NBPF14: variants seen among roughly 807,000 people sequenced by gnomAD.
NBPF14 encodes the protein NBPF member 14.
NBPF14 carries 104 observed loss-of-function variants against 91.2 expected under a neutral mutation model. The observed-to-expected ratio is 1.14, with a 90% CI of 0.97 to 1.34. The LOEUF (loss-of-function observed/expected upper bound fraction) is 1.34, where lower values mean the gene tolerates loss of function less well. NBPF14 is among the 40% of genes most tolerant of loss of function. The pLI, the probability that NBPF14 is intolerant of heterozygous loss-of-function variation, is 0.00. For missense variants in NBPF14, 908 were observed against 783.0 expected, an observed-to-expected ratio of 1.16 and a Z score of -1.91; for synonymous variants, 294 against 303.8, an observed-to-expected ratio of 0.97 and a Z score of 0.34.
At chr1:148,542,090 C>T (rs1655622526) in intron 59 of NBPF14, among the ~76,000 whole-genome samples, 1 of 98,980 alleles carries the variant, frequency 1.0e-5, no homozygotes, top group Non-Finnish European at 1.7e-5. Flanking sequence ...CAAGTTTGTG[C>T]AAACAGTTAC....
At chr1:148,533,741 G>C in intron 70 of NBPF14, 120 bp downstream of exon 70, 1 of 752,668 alleles carries the variant, frequency 1.3e-6, no homozygotes, top group East Asian at 2.4e-5. Context: ...CAACAGCAAT[G>C]ACAGTAGGAG....
At chr1:148,533,154 G>A (rs138791836) in exon 71 of NBPF14, 5 of 724,206 alleles carry the variant, frequency 6.9e-6, no homozygotes, top group Admixed American at 3.7e-5. Flanking sequence ...AATGAGTCAG[G>A]TAGTTCAAAG....
intron 8 of NBPF14, 23 bp downstream of exon 8, chr1:148,587,278 C>T: frequency 6.4e-7 from 1 of 1,556,480 alleles, no homozygotes; most frequent in Non-Finnish European, 8.8e-7. Context: ...GCCCCCCTGC[C>T]TGCCCCCATG....
intron 28 of NBPF14, among the ~76,000 whole-genome samples, chr1:148,566,661 A>G (rs1301006060): frequency 2.2e-5 from 3 of 135,720 alleles, no homozygotes; most frequent in Non-Finnish European, 4.9e-5. Flanking sequence ...GGGATCATGA[A>G]AAGACTGTGC....
intron 70 of NBPF14, 49 bp downstream of exon 70, chr1:148,533,812 C>G (rs1386637389): frequency 3.9e-6 from 3 of 767,594 alleles, no homozygotes; most frequent in South Asian, 1.3e-5. Context: ...GAATCTGTTG[C>G]CTCCAGGAGT....
rs1223394545 is a variant in NBPF14 at position 148,593,948 on chromosome 1, A to C, written c.176-248T>G. ...GAAGTTGACAAGATGATTCAACCACAACGAAGTGGAGTCAGAACTCACAGC... is the reference window on the plus strand; with the variant it reads ...GAAGTTGACAAGATGATTCAACCACCACGAAGTGGAGTCAGAACTCACAGC... On this transcript the variant is annotated intron_variant, in intron 2 of 70. Transcript: ENST00000619423. 4.0e-3 allele frequency among the ~76,000 whole-genome samples: 602 copies of C among 149,946 alleles called. 18 individuals are homozygous for C. The highest frequency in any genetic ancestry group is 0.011 in the Admixed American group (160 of 15,082).
Position 148,534,743 on chromosome 1 carries a change from T to C in NBPF14, c.8555A>G (p.Tyr2852Cys), listed in dbSNP as rs1654720225. 247 of 828,166 alleles carry C rather than the reference T, an allele frequency of 3.0e-4. 1 individual carries two copies. Among genetic ancestry groups the C allele is most frequent in the South Asian group, 2.7e-3 (199 of 74,432 alleles). The allele number at this position is 828,166 out of a possible 1,614,324, so 51.3% of individuals were successfully genotyped here. A position where few individuals can be genotyped will look rare whatever the true frequency, so the allele number is the denominator to read the frequency against. Residue 2852 changes from tyrosine to cysteine, a missense_variant, in exon 69 of 71, where the codon TAC (tyrosine) becomes TGC (cysteine). Tyr to Cys is a radical substitution (Grantham distance 194). Transcript: ENST00000619423. ...CTCCAATGAGTAAACAGCACTGCTG[T>C]AGGGCTGGCCTAAGTCAGGCAGTTC... is the stretch of plus-strand genomic sequence containing the variant.
exon 37 of NBPF14, chr1:148,559,909 T>A (rs1308304194): frequency 1.5e-6 from 2 of 1,296,028 alleles, no homozygotes; most frequent in Non-Finnish European, 2.2e-6. Context: ...ATAACATCTA[T>A]CCAGTGAGTC....
chr1:148,559,441 C>T lies in NBPF14; in HGVS notation c.4729+352G>A, dbSNP rs1300509249. Among the ~76,000 whole-genome samples the T allele has an allele frequency of 1.7e-4, 23 of 133,146 alleles. 1 individual carries two copies. The highest frequency in any genetic ancestry group is 2.9e-4 in the Admixed American group (4 of 13,688). The allele number at this position is 133,146 out of a possible 152,430, so 87.3% of individuals were successfully genotyped here. A position where few individuals can be genotyped will look rare whatever the true frequency, so the allele number is the denominator to read the frequency against. On this transcript the variant is annotated intron_variant, in intron 37 of 70. Transcript: ENST00000619423. ...CAAATACTCAGATTGTTCATGGTAGCGAGGATTTCAGACGCTGAAATTAGA... is the reference window on the plus strand; with the variant it reads ...CAAATACTCAGATTGTTCATGGTAGTGAGGATTTCAGACGCTGAAATTAGA...
In NBPF14 at chr1:148,557,680, G is replaced by A. The variant is rs1325846701; in HGVS notation, c.4955-138C>T. 1.5e-5 allele frequency: 9 copies of A among 618,572 alleles called. 2 individuals carry two copies. Among genetic ancestry groups the A allele is most frequent in the Admixed American group, 9.2e-5 (4 of 43,286 alleles). The allele number at this position is 618,572 out of a possible 1,614,324, so 38.3% of individuals were successfully genotyped here. On this transcript the variant is annotated intron_variant, in intron 39 of 70. Coordinates refer to ENST00000619423, the Ensembl canonical transcript of NBPF14. ...ACCATGTGAGAGATATACTTCAGGAGGCCTGAAAGCTGGTCATGATATTCC... is the reference window on the plus strand; with the variant it reads ...ACCATGTGAGAGATATACTTCAGGAAGCCTGAAAGCTGGTCATGATATTCC...
intron 67 of NBPF14, among the ~76,000 whole-genome samples, chr1:148,535,995 T>A (rs1394436731): frequency 6.6e-6 from 1 of 150,610 alleles, no homozygotes; most frequent in Admixed American, 6.6e-5. Flanking sequence ...GAGAGTAGGA[T>A]TAGGGCGCCA....
Position 148,559,817 on chromosome 1 carries a change from C to G in NBPF14, c.4705G>C (p.Val1569Leu), listed in dbSNP as rs1404207004. 1.4e-5 allele frequency: 22 copies of G among 1,534,766 alleles called. 7 individuals are homozygous for G. The African/African-American group carries it at 3.5e-4, about 24-fold the overall frequency. Residue 1569 changes from valine to leucine, a missense_variant, in exon 37 of 71, where the codon GTT (valine) becomes CTT (leucine). Physicochemically the swap from Val to Leu is conservative, Grantham distance 32. This residue lies in a region of NBPF14 where 447 missense variants were observed against 189.1 expected (regional missense o/e 2.36). Transcript: ENST00000619423. Reference sequence around the variant, plus strand: ...CCATCCATGTCAACAGCCAAGCCAACACGCTGCTGCTCCAATATGTAAAAG... The same window carrying G: ...CCATCCATGTCAACAGCCAAGCCAAGACGCTGCTGCTCCAATATGTAAAAG...
At chr1:148,587,193 C>T (rs1388286708) in intron 8 of NBPF14, 108 bp downstream of exon 8, 12 of 938,976 alleles carry the variant, frequency 1.3e-5, no homozygotes, top group African/African-American at 6.4e-5. Flanking sequence ...CATGGCAATT[C>T]CTGCCCTTCC....
chr1:148,559,324 C>G lies in NBPF14; in HGVS notation c.4730-252G>C, dbSNP rs1359607775. Among the ~76,000 whole-genome samples the G allele has an allele frequency of 2.4e-4, 30 of 125,666 alleles. 2 individuals carry two copies. Among genetic ancestry groups the G allele is most frequent in the Admixed American group, 9.3e-4 (12 of 12,924 alleles). 82.4% of individuals were successfully genotyped at this position (125,666 alleles called of 152,430 possible). A position where few individuals can be genotyped will look rare whatever the true frequency, so the allele number is the denominator to read the frequency against. On this transcript the variant is annotated intron_variant, in intron 37 of 70. Coordinates refer to ENST00000619423, the Ensembl canonical transcript of NBPF14. ...CAATATCATTTGTCCCAAGTTTGTG[C>G]AAATGGTTATGCCATATTTTTCCAA... is the stretch of plus-strand genomic sequence containing the variant.
intron 16 of NBPF14, among the ~76,000 whole-genome samples, chr1:148,576,129 G>T (rs1416673176): frequency 8.6e-6 from 1 of 115,608 alleles, no homozygotes; most frequent in Non-Finnish European, 1.7e-5. Context: ...CAGTGATCAT[G>T]AAAAGAGTGG....
chr1:148,561,800 C>A (rs1232540993), intron 34 of NBPF14, among the ~76,000 whole-genome samples: 10 of 96,788 alleles, frequency 1.0e-4, no homozygotes, highest in South Asian at 5.6e-4. Flanking sequence ...CACACACACA[C>A]AAACACACAC....
rs1440064750 is a variant in NBPF14, at chr1:148,592,779, G to A, written c.279-13C>T. 5.7e-5 allele frequency: 88 copies of A among 1,554,448 alleles called. 4 individuals carry two copies. Among genetic ancestry groups the A allele is most frequent in the East Asian group, 4.0e-4 (18 of 44,672 alleles). ...GACTTTATATTGCCTAAGGTGAGAC[G>A]GTAGAGAAAATTTAAGAGTAGAAAG... On this transcript the variant is annotated splice_polypyrimidine_tract_variant and intron_variant, in intron 3 of 70. Coordinates refer to ENST00000619423, the Ensembl canonical transcript of NBPF14.
rs1655881215 is a variant in NBPF14, at chr1:148,548,658, T to G, written c.6418+174A>C. 4.6e-5 allele frequency among the ~76,000 whole-genome samples: 4 copies of G among 86,828 alleles called. No individual in the cohort carries two copies. In the South Asian group the frequency reaches 1.7e-3, roughly 38 times the overall value. The allele number at this position is 86,828 out of a possible 152,430, so 57.0% of individuals were successfully genotyped here. A position where few individuals can be genotyped will look rare whatever the true frequency, so the allele number is the denominator to read the frequency against. ...AATAGAGCCTTGCTCACTGACCCAT[T>G]TCATGTCTAGGCTTCCAGCTGAGAC... On this transcript the variant is annotated intron_variant, in intron 51 of 70. Transcript: ENST00000619423.
rs1402930269 is a variant in NBPF14 at position 148,592,747 on chromosome 1, G to A, written c.298C>T (p.His100Tyr). The change falls in exon 4 of 71, where the codon CAC (histidine) becomes TAC (tyrosine). Residue 100 changes from histidine (H) to tyrosine (Y), a missense_variant. His to Tyr is a moderately conservative substitution (Grantham distance 83, BLOSUM62 2). This residue lies in a region of NBPF14 where 61 missense variants were observed against 56.4 expected (regional missense o/e 1.08). Transcript: ENST00000619423. Reference sequence around the variant, plus strand: ...TGGGTCAGCTCTCGTTCCTGAGAGTGAACCAGGACTTTATATTGCCTAAGG... The same window carrying A: ...TGGGTCAGCTCTCGTTCCTGAGAGTAAACCAGGACTTTATATTGCCTAAGG... 39 of 1,584,840 alleles carry A rather than the reference G, an allele frequency of 2.5e-5. 1 individual carries two copies. Among genetic ancestry groups the A allele is most frequent in the East Asian group, 1.6e-4 (7 of 44,842 alleles).
Sources: gnomAD v4.1 joint callset for allele counts (sites outside exome capture counted in the v4.1 genomes callset) on GRCh38, gnomAD v4.1.1 for gene constraint, gnomAD v4.1.1 regional missense constraint, MANE v1.5 for transcripts, NCBI Gene and HGNC (gene_info 2026-07-23, HGNC 2026-07-21) for gene names.